Variants in ERICH6B observed in about 807,000 individuals in gnomAD.
The protein encoded by ERICH6B is glutamate rich 6B, also known as glutamate-rich protein 6B.
A neutral mutation model predicts 80.0 loss-of-function variants in ERICH6B; 69 were observed. That is an observed-to-expected ratio of 0.86 (90% confidence interval 0.71 to 1.05). The LOEUF (loss-of-function observed/expected upper bound fraction) is 1.05. Ranked by LOEUF, ERICH6B falls within the 50% of genes least tolerant of loss-of-function variation. ERICH6B has a pLI of 0.00. For missense variants in ERICH6B, 754 were observed against 796.1 expected (o/e 0.95, Z 0.64); for synonymous variants, 283 against 291.9 (o/e 0.97, Z 0.31).
intron 2 of ERICH6B, among the ~76,000 whole-genome samples, chr13:45,601,496 C>T (rs932329885): frequency 5.3e-5 from 8 of 152,214 alleles, no homozygotes; most frequent in African/African-American, 1.7e-4. Context: ...GGAGCACACA[C>T]AGGCACTGGC....
chr13:45,596,796 C>T lies in ERICH6B; in HGVS notation c.210G>A (p.Glu70=), dbSNP rs1876410235. The T allele has an allele frequency of 1.9e-6, 3 of 1,551,618 alleles. No individual in the cohort carries two copies. Among genetic ancestry groups the T allele is most frequent in the Non-Finnish European group, 2.6e-6 (3 of 1,146,976 alleles). Residue 70 remains glutamate (E), a synonymous_variant, in exon 3 of 15, where the codon GAG becomes GAA. Coordinates refer to ENST00000298738, the MANE Select transcript of ERICH6B (RefSeq NM_182542.3). Reference sequence around the variant, plus strand: ...ATTCTTCTTTCCCCAGATACTCTTCCTCTTCCAGATCCTCTTCCTCCTCCA... The same window carrying T: ...ATTCTTCTTTCCCCAGATACTCTTCTTCTTCCAGATCCTCTTCCTCCTCCA... The part of the protein sequence containing the change: ...EYLEEEEDLE[E]EEYLGKEEYL...
At chr13:45,604,278 T>G (rs1031935905) in intron 2 of ERICH6B, among the ~76,000 whole-genome samples, 3 of 152,238 alleles carry the variant, frequency 2.0e-5, no homozygotes, top group Non-Finnish European at 2.9e-5. Flanking sequence ...CAAATAATTT[T>G]TCATTGACTG....
chr13:45,596,902 T>C lies in ERICH6B; in HGVS notation c.104A>G (p.Glu35Gly). The change falls in exon 3 of 15, where the codon GAA becomes GGA. Residue 35 changes from glutamate to glycine, a missense_variant. Glu to Gly is a moderately conservative substitution (Grantham distance 98). Transcript: ENST00000298738. ...TAGACTTTCCTCATCTAGTTCTACT[T>C]CAGTATCCTCTTTCTCTGAAGGCAA... ...QNLPSEKEDTEVELDEESLQD... is the reference protein window; with the variant it reads ...QNLPSEKEDTGVELDEESLQD... 1 of 1,551,850 alleles carries C rather than the reference T, an allele frequency of 6.4e-7. No individual in the cohort carries two copies. The highest frequency in any genetic ancestry group is 1.2e-5 in the South Asian group (1 of 84,060).
At chr13:45,552,120 A>G (rs943977810) in intron 11 of ERICH6B, among the ~76,000 whole-genome samples, 1 of 152,208 alleles carries the variant, frequency 6.6e-6, no homozygotes, top group Admixed American at 6.5e-5. Flanking sequence ...AAATTTGCCA[A>G]TGTATAAAGG....
Position 45,598,233 on chromosome 13 carries a change from G to C in ERICH6B, c.-58-1170C>G, listed in dbSNP as rs185049746. 1.1e-3 allele frequency among the ~76,000 whole-genome samples: 174 copies of C among 152,180 alleles called. 2 individuals are homozygous for C. The highest frequency in any genetic ancestry group is 6.8e-3 in the South Asian group (33 of 4,820). ...TTTTTTTCTTCCATTAGGTGTAAAT[G>C]TCTCAATGATAGTGACCTTCTATAA... On this transcript the variant is annotated intron_variant, in intron 2 of 14. Transcript: ENST00000298738.
rs147365410 is a variant in ERICH6B, at chr13:45,601,125, G to C, written c.-58-4062C>G. On this transcript the variant is annotated intron_variant, in intron 2 of 14. Transcript: ENST00000298738. ...GACGATGCCTTGATGTTTCCTCTGA[G>C]TTAATTTCCTATCCGTTGATTCCCC... Among the ~76,000 whole-genome samples, 160 of 152,234 alleles carry C rather than the reference G, an allele frequency of 1.1e-3. 1 individual carries two copies. Among genetic ancestry groups the C allele is most frequent in the African/African-American group, 3.6e-3 (150 of 41,528 alleles).
At chr13:45,607,150 C>T (rs747061746) in intron 2 of ERICH6B, among the ~76,000 whole-genome samples, 8 of 152,040 alleles carry the variant, frequency 5.3e-5, no homozygotes, top group African/African-American at 9.7e-5. Flanking sequence ...GCTTTTAGTC[C>T]CACTTCCATT....
chr13:45,579,571 G>C (rs908547454), intron 7 of ERICH6B, among the ~76,000 whole-genome samples: 2 of 152,128 alleles, frequency 1.3e-5, no homozygotes, highest in Non-Finnish European at 2.9e-5. Context: ...CCATTACCAA[G>C]ATGGCATAGG....
At chr13:45,599,715 G>C (rs1290934496) in intron 2 of ERICH6B, among the ~76,000 whole-genome samples, 1 of 152,124 alleles carries the variant, frequency 6.6e-6, no homozygotes, top group East Asian at 1.9e-4. Context: ...ATGGCACTTA[G>C]CATGAGTGAC....
intron 11 of ERICH6B, among the ~76,000 whole-genome samples, chr13:45,555,691 C>T (rs1593776771): frequency 1.3e-5 from 2 of 151,948 alleles, no homozygotes; most frequent in Admixed American, 6.6e-5. Context: ...CCCAGATCCC[C>T]GAGATGCACT....
intron 10 of ERICH6B, among the ~76,000 whole-genome samples, chr13:45,562,645 C>G (rs931155026): frequency 1.3e-5 from 2 of 152,138 alleles, no homozygotes; most frequent in African/African-American, 4.8e-5. Flanking sequence ...GAGGTCAATA[C>G]AGGCTTCCAT....
intron 14 of ERICH6B, among the ~76,000 whole-genome samples, chr13:45,543,328 C>T (rs1382366811): frequency 6.6e-6 from 1 of 152,104 alleles, no homozygotes; most frequent in Non-Finnish European, 1.5e-5. Flanking sequence ...GAACTGTGTC[C>T]CCCAAAAGTG....
In ERICH6B at chr13:45,568,403, T is replaced by G. The variant is rs193045582; in HGVS notation, c.1099A>C (p.Met367Leu). ...TCTTCCAGTTCATTGTGAGCAGCCA[T>G]TTCTTTGATTATTGTTTTAAATACT... ...QTVFKTIIKE[M>L]AAHNELEEDF... Residue 367 changes from methionine to leucine, a missense_variant, in exon 9 of 15, where the codon ATG becomes CTG. Met to Leu is a conservative substitution (Grantham distance 15). Coordinates refer to ENST00000298738, the MANE Select transcript of ERICH6B (RefSeq NM_182542.3). 9.0e-6 allele frequency: 14 copies of G among 1,549,992 alleles called. No homozygotes were observed. Among genetic ancestry groups the G allele is most frequent in the Non-Finnish European group, 1.0e-5 (12 of 1,146,406 alleles).
At chr13:45,563,607 G>A in intron 10 of ERICH6B, 120 bp downstream of exon 10, 2 of 905,616 alleles carry the variant, frequency 2.2e-6, no homozygotes, top group Admixed American at 2.0e-5. Context: ...CAGCCCTGTA[G>A]GCACTGAAGT....
chr13:45,597,508 AGGAC>A (rs1350159603), intron 2 of ERICH6B, among the ~76,000 whole-genome samples: 1 of 152,230 alleles, frequency 6.6e-6, no homozygotes, highest in East Asian at 1.9e-4. Context: ...CCCACAGCAT[AGGAC>A]GGACACAGTG....
chr13:45,596,706 C>T lies in ERICH6B; in HGVS notation c.300G>A (p.Lys100=), dbSNP rs1312931989. Residue 100 remains lysine, a synonymous_variant, in exon 3 of 15, where the codon AAG becomes AAA. Coordinates refer to ENST00000298738, the MANE Select transcript of ERICH6B (RefSeq NM_182542.3). The stretch of plus-strand genomic sequence containing the variant: ...ACTCTTCCTCCTCCAGATACCCTGC[C>T]TTCTCCAGATACTCTTCCTCCTCCA... ...EHLEEEEYLE[K]AGYLEEEEYI... 6.4e-7 allele frequency: 1 copy of T among 1,551,930 alleles called. No individual in the cohort carries two copies.
rs567530431 is a variant in ERICH6B, at chr13:45,556,779, G to GTA, written c.1407+4588_1407+4589dup. On this transcript the variant is annotated intron_variant, in intron 11 of 14. Coordinates refer to ENST00000298738, the MANE Select transcript of ERICH6B (RefSeq NM_182542.3). Reference sequence around the variant, plus strand: ...TATTCCATCATATATATATGTGTGTGTATATATATATACACACACATACAC... The same window carrying GTA: ...TATTCCATCATATATATATGTGTGTGTATATATATATATACACACACATACAC... Among the ~76,000 whole-genome samples, 96 of 151,572 alleles carry GTA rather than the reference G, an allele frequency of 6.3e-4. 1 individual carries two copies. The South Asian group carries it at 0.019, about 29-fold the overall frequency.
intron 14 of ERICH6B, among the ~76,000 whole-genome samples, chr13:45,543,305 T>G (rs963896745): frequency 3.3e-5 from 5 of 152,052 alleles, no homozygotes; most frequent in African/African-American, 1.2e-4. Flanking sequence ...AGCCTCAACA[T>G]TTTGAGTAGG....
rs1352773233 is a variant in ERICH6B, at chr13:45,587,066, C to T, written c.853G>A (p.Ala285Thr). 3.6e-5 allele frequency: 56 copies of T among 1,550,994 alleles called. No homozygotes were observed. Among genetic ancestry groups the T allele is most frequent in the Non-Finnish European group, 4.2e-5 (48 of 1,146,668 alleles). The change falls in exon 5 of 15, where the codon GCC becomes ACC. Residue 285 changes from alanine (A) to threonine (T), a missense_variant. Physicochemically the swap from Ala to Thr is moderately conservative, Grantham distance 58. Coordinates refer to ENST00000298738, the MANE Select transcript of ERICH6B (RefSeq NM_182542.3). ...SQTDWCYDRT[A>T]VKSLKSKSET... is the part of the protein sequence containing the mutation. ...GACAGAGCGCAGCTTCCCTCACCGG[C>T]AGTTCTGTCGTAGCACCAGTCTGTC...
Sources: gnomAD v4.1 joint callset for allele counts (sites outside exome capture counted in the v4.1 genomes callset) on GRCh38, gnomAD v4.1.1 for gene constraint, MANE v1.5 for transcripts, NCBI Gene and HGNC (gene_info 2026-07-23, HGNC 2026-07-21) for gene names.